GBX1: variants seen among roughly 807,000 people sequenced by gnomAD.
GBX1 encodes the protein gastrulation brain homeobox 1, also known as homeobox protein GBX-1.
A neutral mutation model predicts 22.9 loss-of-function variants in GBX1; 9 were observed. That is an observed-to-expected ratio of 0.39 (90% CI 0.24 to 0.69). GBX1 has a LOEUF of 0.69. Ranked by LOEUF, GBX1 falls within the 30% of genes least tolerant of loss-of-function variation. The pLI is 0.43. For synonymous variants in GBX1, 203 were observed against 227.3 expected (o/e 0.89, Z 0.96); for missense variants, 494 against 509.2 (o/e 0.97, Z 0.29).
intron 1 of GBX1, among the ~76,000 whole-genome samples, chr7:151,153,773 G>A (rs772246054): frequency 1.4e-4 from 21 of 151,904 alleles, no homozygotes; most frequent in Non-Finnish European, 2.4e-4. Flanking sequence ...ATGTTGCCCA[G>A]GCTGGTCTCA....
chr7:151,153,353 G>A (rs559245873), intron 1 of GBX1, among the ~76,000 whole-genome samples: 13 of 152,298 alleles, frequency 8.5e-5, no homozygotes, highest in African/African-American at 3.1e-4. Flanking sequence ...AAAGACACAG[G>A]CAGAGAAAGA....
rs1184165813 is a variant in GBX1 at position 151,148,858 on chromosome 7, C to G, written c.823G>C (p.Glu275Gln). The G allele has an allele frequency of 6.2e-7, 1 of 1,614,182 alleles. No homozygotes were observed. Among genetic ancestry groups the G allele is most frequent in the Admixed American group, 1.7e-5 (1 of 60,022 alleles). The part of the protein sequence containing the change: ...RTAFTSEQLL[E>Q]LEKEFHCKKY... Reference sequence around the variant, plus strand: ...TTGCAATGAAATTCCTTCTCCAATTCCAAAAGCTGCTCGCTGGTAAATGCT... The same window carrying G: ...TTGCAATGAAATTCCTTCTCCAATTGCAAAAGCTGCTCGCTGGTAAATGCT... The change falls in exon 2 of 2, where the codon GAA becomes CAA. Residue 275 changes from glutamate (E) to glutamine (Q), a missense_variant. By Grantham distance (29) the Glu-to-Gln change is conservative (BLOSUM62 2). This residue lies in a region of GBX1 where 124 missense variants were observed against 152.0 expected (regional missense o/e 0.82). Transcript: ENST00000297537. This position sits in a 1 kb window ranked among gnomAD's most constrained non-coding sequence, Gnocchi z 5.1.
intron 1 of GBX1, among the ~76,000 whole-genome samples, chr7:151,163,905 A>G (rs1801221598): frequency 6.6e-6 from 1 of 152,104 alleles, no homozygotes; most frequent in African/African-American, 2.4e-5. Flanking sequence ...ATAACTTTCT[A>G]CCCAATTACT....
At chr7:151,149,342 G>C (rs536614779) in intron 1 of GBX1, among the ~76,000 whole-genome samples, 200 bp from the exon 2 acceptor site, 1 of 152,260 alleles carries the variant, frequency 6.6e-6, no homozygotes, top group East Asian at 1.9e-4. Flanking sequence ...AAGAGGTTTA[G>C]GGAAAACAAA....
intron 1 of GBX1, among the ~76,000 whole-genome samples, chr7:151,151,288 T>G (rs1801076842): frequency 6.6e-6 from 1 of 152,188 alleles, no homozygotes; most frequent in Admixed American, 6.5e-5. Flanking sequence ...CAGGCTTCAC[T>G]GGCGCCCAGC....
intron 1 of GBX1, among the ~76,000 whole-genome samples, chr7:151,164,140 G>A (rs28377077): frequency 0.061 from 9,347 of 152,232 alleles, 303 homozygotes; most frequent in East Asian, 0.1. Flanking sequence ...GTTAGCAGTT[G>A]TAAAACACTA....
intron 1 of GBX1, among the ~76,000 whole-genome samples, chr7:151,166,486 CAACACA>C (rs1563556091): frequency 9.8e-6 from 1 of 102,468 alleles, no homozygotes; most frequent in Non-Finnish European, 2.0e-5. Flanking sequence ...CCCCCCCCCC[CAACACA>C]CACACACACA....
intron 1 of GBX1, among the ~76,000 whole-genome samples, chr7:151,161,024 T>C (rs764472470): frequency 1.3e-5 from 2 of 152,214 alleles, no homozygotes; most frequent in Non-Finnish European, 2.9e-5. Flanking sequence ...TTTATACATC[T>C]ACTCAATTAC....
At chr7:151,158,442 AG>A (rs1801159184) in intron 1 of GBX1, among the ~76,000 whole-genome samples, 1 of 151,704 alleles carries the variant, frequency 6.6e-6, no homozygotes, top group African/African-American at 2.4e-5. Flanking sequence ...AAACAAGAAG[AG>A]TTTTTTTGTT....
chr7:151,159,676 C>T (rs910898799), intron 1 of GBX1, among the ~76,000 whole-genome samples: 1 of 152,092 alleles, frequency 6.6e-6, no homozygotes, highest in African/African-American at 2.4e-5. Context: ...CATACTAGGA[C>T]GAGACTGAAT....
At chr7:151,165,381 T>A (rs558074804) in intron 1 of GBX1, among the ~76,000 whole-genome samples, 49 of 152,244 alleles carry the variant, frequency 3.2e-4, no homozygotes, top group African/African-American at 1.1e-3. Flanking sequence ...GGATCCCCCC[T>A]CCATCCTCTC....
intron 1 of GBX1, among the ~76,000 whole-genome samples, chr7:151,153,828 G>T (rs1367910668): frequency 1.3e-5 from 2 of 152,038 alleles, no homozygotes; most frequent in Admixed American, 1.3e-4. Context: ...TTCCCAAAGT[G>T]CTGGGATTAC....
chr7:151,165,308 G>T (rs1801237581), intron 1 of GBX1, among the ~76,000 whole-genome samples: 1 of 152,038 alleles, frequency 6.6e-6, no homozygotes, highest in Non-Finnish European at 1.5e-5. Flanking sequence ...GACCTGAAAG[G>T]GTGGGACAAA....
At chr7:151,162,804 CTTTTTTT>C (rs111815011) in intron 1 of GBX1, among the ~76,000 whole-genome samples, 1 of 126,456 alleles carries the variant, frequency 7.9e-6, no homozygotes, top group East Asian at 2.4e-4. Flanking sequence ...TTTCTTCTGC[CTTTTTTT>C]TTTTTTTTTT....
At chr7:151,155,288 G>C (rs528778412) in intron 1 of GBX1, among the ~76,000 whole-genome samples, 21 of 152,262 alleles carry the variant, frequency 1.4e-4, no homozygotes, top group African/African-American at 3.6e-4. Flanking sequence ...GGGGTCAAAA[G>C]GTGGGAAGAA....
In GBX1 at chr7:151,153,123, T is replaced by C. The variant is rs79367367; in HGVS notation, c.539-3981A>G. Among the ~76,000 whole-genome samples, 2,019 of 151,874 alleles carry C rather than the reference T, an allele frequency of 0.013. 79 individuals are homozygous for C. The East Asian group carries it at 0.14, about 10-fold the overall frequency. On this transcript the variant is annotated intron_variant, in intron 1 of 1. Transcript: ENST00000297537. Reference sequence around the variant, plus strand: ...GTAGAGAAATAGCAGAAAAATTAAATGATGAGTCAGATAAAATAAAAGGGC... The same window carrying C: ...GTAGAGAAATAGCAGAAAAATTAAACGATGAGTCAGATAAAATAAAAGGGC...
At chr7:151,166,072 T>C (rs1227879122) in intron 1 of GBX1, among the ~76,000 whole-genome samples, 1 of 152,172 alleles carries the variant, frequency 6.6e-6, no homozygotes, top group Non-Finnish European at 1.5e-5. Context: ...GCAAATTGTA[T>C]AAGCTTTGGA....
Position 151,148,931 on chromosome 7 carries a change from CA to C in GBX1, c.749del (p.Val250GlyfsTer37). On this transcript the variant is annotated frameshift_variant, in exon 2 of 2. Transcript: ENST00000297537. LOFTEE classifies it high-confidence loss of function. This position sits in a 1 kb window ranked among gnomAD's most constrained non-coding sequence, Gnocchi z 5.1. ...LGTGAEEGAP[V>X]TAGVTAPGGK... Reference sequence around the variant, plus strand: ...CCCCAGGAGCTGTGACCCCTGCTGTCACCGGTGCCCCCTCCTCAGCTCCAGT... The same window carrying C: ...CCCCAGGAGCTGTGACCCCTGCTGTCCCGGTGCCCCCTCCTCAGCTCCAGT... The C allele has an allele frequency of 6.2e-7, 1 of 1,614,148 alleles. No individual in the cohort carries two copies. Among genetic ancestry groups the C allele is most frequent in the Non-Finnish European group, 8.5e-7 (1 of 1,180,018 alleles).
At chr7:151,157,231 G>T (rs1478376365) in intron 1 of GBX1, among the ~76,000 whole-genome samples, 1 of 152,078 alleles carries the variant, frequency 6.6e-6, no homozygotes, top group Non-Finnish European at 1.5e-5. Flanking sequence ...GGGAGGCGGA[G>T]GTTGCAGGGA....
Sources: allele counts gnomAD v4.1 joint callset (sites outside exome capture counted in the v4.1 genomes callset), GRCh38; gene constraint gnomAD v4.1.1; regional missense constraint gnomAD v4.1.1; non-coding constraint Gnocchi (gnomAD v3.1); transcripts MANE v1.5; gene names NCBI Gene and HGNC (gene_info 2026-07-23, HGNC 2026-07-21).